Variants in CLRN2 observed in about 807,000 individuals in gnomAD.
CLRN2 encodes the protein clarin 2.
CLRN2 carries 17 observed loss-of-function variants against 20.1 expected under a neutral mutation model. That is an observed-to-expected ratio of 0.85 (90% confidence interval 0.58 to 1.27). CLRN2 has a LOEUF of 1.27. Ranked by LOEUF, CLRN2 falls within the 50% of genes most tolerant of loss-of-function variation. The pLI is 0.00. For synonymous variants in CLRN2, 140 were observed against 126.9 expected (o/e 1.10, Z -0.70); for missense variants, 288 against 299.5 (o/e 0.96, Z 0.28).
rs762042329 is a variant in CLRN2 at position 17,524,235 on chromosome 4, T to TGTGTGTGTGTGTGTGTGC, written c.433+1193_433+1194insTGTGTGTGTGTGTGTGCG. 3.9e-4 allele frequency among the ~76,000 whole-genome samples: 54 copies of TGTGTGTGTGTGTGTGTGC among 139,960 alleles called. 1 individual carries two copies. Among genetic ancestry groups the TGTGTGTGTGTGTGTGTGC allele is most frequent in the Non-Finnish European group, 7.8e-4 (50 of 63,980 alleles). 91.8% of individuals were successfully genotyped at this position (139,960 alleles called of 152,430 possible). A position where few individuals can be genotyped will look rare whatever the true frequency, so the allele number is the denominator to read the frequency against. ...GTGTGTGTGTGTGTGTGTGTGTGTG[T>TGTGTGTGTGTGTGTGTGC]GCGCGCGCATGTTGATTTGGGAGTA... On this transcript the variant is annotated intron_variant, in intron 2 of 2. Coordinates refer to ENST00000511148, the MANE Select transcript of CLRN2 (RefSeq NM_001079827.2).
chr4:17,519,382 C>T (rs528139092), intron 1 of CLRN2, among the ~76,000 whole-genome samples: 16 of 152,338 alleles, frequency 1.1e-4, no homozygotes, highest in Non-Finnish European at 1.9e-4. Context: ...TAAACCTCTA[C>T]TTATCTGTGC....
chr4:17,524,314 G>A (rs28523461), intron 2 of CLRN2, among the ~76,000 whole-genome samples: 2,866 of 151,992 alleles, frequency 0.019, 95 homozygotes, highest in African/African-American at 0.066. Context: ...CAAATCATCT[G>A]TAATGAAAAT....
intron 1 of CLRN2, among the ~76,000 whole-genome samples, chr4:17,522,487 C>T (rs971842723): frequency 2.6e-5 from 4 of 152,322 alleles, no homozygotes; most frequent in Non-Finnish European, 5.9e-5. Context: ...TTTAATAAAA[C>T]GTTGTGCAAC....
In CLRN2 at chr4:17,521,999, G is replaced by T. The variant is rs530639877; in HGVS notation, c.254-865G>T. Among the ~76,000 whole-genome samples the T allele has an allele frequency of 7.2e-5, 11 of 152,256 alleles. 1 individual carries two copies. The South Asian group carries it at 2.3e-3, about 32-fold the overall frequency. On this transcript the variant is annotated intron_variant, in intron 1 of 2. Coordinates refer to ENST00000511148, the MANE Select transcript of CLRN2 (RefSeq NM_001079827.2). ...ATCTTGAAGGACGGGCTCTTTCAGG[G>T]TCACATTTGTTCTCATAGTATATTG...
In CLRN2 at chr4:17,525,804, AAACACT is replaced by A. The variant is rs1463254053; in HGVS notation, c.434-1010_434-1005del. Among the ~76,000 whole-genome samples the A allele has an allele frequency of 5.9e-5, 9 of 152,362 alleles. No individual in the cohort carries two copies. In the East Asian group the frequency reaches 1.7e-3, roughly 29 times the overall value. Reference sequence around the variant, plus strand: ...CTTAAAGAGAAAGAAACATAAAGAAAAACACTAAAATGTTCAAAGGGTTCAAGCTGG... The same window carrying A: ...CTTAAAGAGAAAGAAACATAAAGAAAAAAATGTTCAAAGGGTTCAAGCTGG... On this transcript the variant is annotated intron_variant, in intron 2 of 2. Coordinates refer to ENST00000511148, the MANE Select transcript of CLRN2 (RefSeq NM_001079827.2).
chr4:17,518,620 G>A (rs1711754390), intron 1 of CLRN2, among the ~76,000 whole-genome samples: 1 of 152,142 alleles, frequency 6.6e-6, no homozygotes, highest in African/African-American at 2.4e-5. Context: ...AATTAGCCGG[G>A]CGTGGTGGCA....
At chr4:17,515,612 G>A in intron 1 of CLRN2, 93 bp downstream of exon 1, 1 of 1,427,160 alleles carries the variant, frequency 7.0e-7, no homozygotes, top group Non-Finnish European at 9.5e-7. Flanking sequence ...TTTGGCTGCT[G>A]CCTCAACGTC....
intron 2 of CLRN2, among the ~76,000 whole-genome samples, chr4:17,525,011 A>G (rs1168956741): frequency 6.6e-6 from 1 of 152,198 alleles, no homozygotes; most frequent in Non-Finnish European, 1.5e-5. Flanking sequence ...CTTGCCACTG[A>G]GCTTAAAAAA....
Position 17,515,384 on chromosome 4 carries a change from T to C in CLRN2, c.118T>C (p.Cys40Arg), listed in dbSNP as rs1311081314. 6.2e-7 allele frequency: 1 copy of C among 1,613,968 alleles called. No homozygotes were observed. Among genetic ancestry groups the C allele is most frequent in the Admixed American group, 1.7e-5 (1 of 60,000 alleles). ...VPHWLSGKIL[C>R]QTGVDLVNAT... The stretch of plus-strand genomic sequence containing the variant: ...CCACTGGCTGAGTGGGAAAATCCTT[T>C]GTCAGACTGGAGTGGATCTGGTCAA... The change falls in exon 1 of 3, where the codon TGT becomes CGT. Residue 40 changes from cysteine (C) to arginine (R), a missense_variant. Transcript: ENST00000511148.
chr4:17,517,896 A>G (rs771531510), intron 1 of CLRN2, among the ~76,000 whole-genome samples: 11 of 152,110 alleles, frequency 7.2e-5, no homozygotes, highest in Non-Finnish European at 4.4e-5. Context: ...TTACCCCAGT[A>G]CAGCTCAGGG....
chr4:17,519,099 T>A (rs544578174), intron 1 of CLRN2, among the ~76,000 whole-genome samples: 7 of 152,260 alleles, frequency 4.6e-5, no homozygotes, highest in Non-Finnish European at 1.0e-4. Context: ...GATGTCCTGC[T>A]TTTCTTATTT....
At chr4:17,524,095 G>A (rs1470549133) in intron 2 of CLRN2, among the ~76,000 whole-genome samples, 1 of 151,964 alleles carries the variant, frequency 6.6e-6, no homozygotes. Flanking sequence ...GAGTGGCAGA[G>A]GTGGTATTCC....
intron 1 of CLRN2, among the ~76,000 whole-genome samples, chr4:17,518,922 CA>C (rs1415926174): frequency 6.6e-6 from 1 of 152,154 alleles, no homozygotes; most frequent in Non-Finnish European, 1.5e-5. Flanking sequence ...TTATTACGCC[CA>C]TTTTACTGAT....
rs1167803525 is a variant in CLRN2, at chr4:17,515,431, C to T, written c.165C>T (p.Val55=). 9 of 1,613,812 alleles carry T rather than the reference C, an allele frequency of 5.6e-6. No individual in the cohort carries two copies. Among genetic ancestry groups the T allele is most frequent in the Admixed American group, 5.0e-5 (3 of 59,996 alleles). Residue 55 remains valine (V), a synonymous_variant, in exon 1 of 3, where the codon GTC becomes GTT. Transcript: ENST00000511148. ...DLVNATDREL[V]KFIGDIYYGL... Reference sequence around the variant, plus strand: ...TCAACGCCACAGACAGAGAGCTGGTCAAGTTCATTGGGGACATTTACTACG... The same window carrying T: ...TCAACGCCACAGACAGAGAGCTGGTTAAGTTCATTGGGGACATTTACTACG...
chr4:17,520,012 A>G (rs1560322033), intron 1 of CLRN2, among the ~76,000 whole-genome samples: 1 of 152,150 alleles, frequency 6.6e-6, no homozygotes, highest in Non-Finnish European at 1.5e-5. Context: ...CCAGCCTCGA[A>G]TTTCTAAATA....
intron 1 of CLRN2, among the ~76,000 whole-genome samples, chr4:17,522,444 T>C (rs1711853760): frequency 6.6e-6 from 1 of 152,262 alleles, no homozygotes; most frequent in Non-Finnish European, 1.5e-5. Flanking sequence ...TTTCACTAAC[T>C]TATTTTGCCA....
At chr4:17,517,482 C>T (rs1711707966) in intron 1 of CLRN2, among the ~76,000 whole-genome samples, 1 of 152,168 alleles carries the variant, frequency 6.6e-6, no homozygotes, top group Non-Finnish European at 1.5e-5. Context: ...CCAGCATTAA[C>T]CTAATGACCA....
intron 1 of CLRN2, among the ~76,000 whole-genome samples, chr4:17,520,235 C>A (rs1472000776): frequency 6.6e-6 from 1 of 152,106 alleles, no homozygotes; most frequent in African/African-American, 2.4e-5. Flanking sequence ...ATTCCCTCTC[C>A]CCCGTCATCC....
At chr4:17,522,082 C>T (rs917252837) in intron 1 of CLRN2, among the ~76,000 whole-genome samples, 1 of 152,186 alleles carries the variant, frequency 6.6e-6, no homozygotes, top group Admixed American at 6.5e-5. Flanking sequence ...CAATTAATGT[C>T]TCCAAGCCTG....
Sources: allele counts gnomAD v4.1 joint callset (sites outside exome capture counted in the v4.1 genomes callset), GRCh38; gene constraint gnomAD v4.1.1; transcripts MANE v1.5; gene names NCBI Gene and HGNC (gene_info 2026-07-23, HGNC 2026-07-21).